Variants in ARL15 observed in about 807,000 individuals in gnomAD.
The protein encoded by ARL15 is ADP-ribosylation factor-like protein 15.
ARL15 carries 19 observed loss-of-function variants against 25.2 expected under a neutral mutation model. That is an observed-to-expected ratio of 0.75 (90% CI 0.53 to 1.10). ARL15 has a LOEUF of 1.10. ARL15 is among the 50% of genes least tolerant of loss of function. The probability of loss-of-function intolerance (pLI) is 0.00; values close to 1 mark genes in which losing one functional copy is unlikely to be tolerated. For synonymous variants in ARL15, 94 were observed against 86.8 expected, an observed-to-expected ratio of 1.08 and a Z score of -0.46; for missense variants, 220 against 246.0, an observed-to-expected ratio of 0.89 and a Z score of 0.71.
intron 1 of ARL15, among the ~76,000 whole-genome samples, chr5:54,298,635 T>C (rs1365076510): frequency 6.6e-6 from 1 of 152,032 alleles, no homozygotes; most frequent in Non-Finnish European, 1.5e-5. Context: ...CATTTCCTCA[T>C]TCCCCACTCC....
intron 4 of ARL15, among the ~76,000 whole-genome samples, chr5:53,962,779 A>T (rs1446604562): frequency 6.6e-6 from 1 of 152,204 alleles, no homozygotes; most frequent in Non-Finnish European, 1.5e-5. Flanking sequence ...ATTTTAAATT[A>T]TGAAGACAAT....
chr5:53,985,281 AT>A (rs199967267), intron 4 of ARL15, among the ~76,000 whole-genome samples: 2 of 152,284 alleles, frequency 1.3e-5, no homozygotes, highest in Non-Finnish European at 2.9e-5. Flanking sequence ...TTGGGCTCAG[AT>A]TTTTTTAAAA....
chr5:53,987,969 G>T (rs1473960087), intron 4 of ARL15, among the ~76,000 whole-genome samples: 5 of 152,036 alleles, frequency 3.3e-5, no homozygotes, highest in African/African-American at 1.2e-4. Context: ...CGGGCATGGT[G>T]GCGTGCGCCT....
intron 4 of ARL15, among the ~76,000 whole-genome samples, chr5:53,995,761 T>A (rs7718193): frequency 1.3e-5 from 2 of 151,984 alleles, no homozygotes; most frequent in Non-Finnish European, 2.9e-5. Context: ...TCCTGGCCCC[T>A]GCCCACAAAA....
At chr5:53,948,495 T>A (rs1746824108) in intron 4 of ARL15, among the ~76,000 whole-genome samples, 1 of 152,126 alleles carries the variant, frequency 6.6e-6, no homozygotes, top group East Asian at 1.9e-4. Flanking sequence ...AGAAATTTGA[T>A]CCTACACCCT....
chr5:53,993,267 C>A (rs1748566308), intron 4 of ARL15, among the ~76,000 whole-genome samples: 1 of 152,046 alleles, frequency 6.6e-6, no homozygotes, highest in Non-Finnish European at 1.5e-5. Context: ...TGAGCATAGC[C>A]TATTTATTTC....
intron 4 of ARL15, among the ~76,000 whole-genome samples, chr5:53,922,325 G>T (rs1313621591): frequency 6.6e-6 from 1 of 152,172 alleles, no homozygotes; most frequent in East Asian, 1.9e-4. Context: ...TCTGCCCTAG[G>T]ACCAGGAGAA....
chr5:54,194,314 G>A (rs950312737), intron 1 of ARL15, among the ~76,000 whole-genome samples: 42 of 151,908 alleles, frequency 2.8e-4, no homozygotes, highest in African/African-American at 9.9e-4. Flanking sequence ...AAGAACATAG[G>A]CAAGGATAAA....
At chr5:54,087,284 A>C (rs1274442833) in intron 4 of ARL15, among the ~76,000 whole-genome samples, 1 of 152,010 alleles carries the variant, frequency 6.6e-6, no homozygotes, top group Non-Finnish European at 1.5e-5. Flanking sequence ...ACTGAGATCA[A>C]GCCACTGCAC....
chr5:53,895,878 A>AT (rs1374513249), intron 4 of ARL15, among the ~76,000 whole-genome samples: 2 of 152,020 alleles, frequency 1.3e-5, no homozygotes, highest in Non-Finnish European at 2.9e-5. Flanking sequence ...GAATCTTAGA[A>AT]TTTTTTTCCA....
chr5:54,251,141 C>G (rs938796540), intron 1 of ARL15, among the ~76,000 whole-genome samples: 11 of 152,090 alleles, frequency 7.2e-5, no homozygotes, highest in African/African-American at 2.7e-4. Context: ...AAGCCCCTCC[C>G]CTAATTCAGG....
intron 4 of ARL15, among the ~76,000 whole-genome samples, chr5:54,105,995 A>G (rs949305017): frequency 3.3e-5 from 5 of 152,106 alleles, no homozygotes; most frequent in Non-Finnish European, 5.9e-5. Context: ...AGATAAATAT[A>G]AGCAATTATT....
intron 1 of ARL15, among the ~76,000 whole-genome samples, chr5:54,291,281 G>A (rs1054766015): frequency 6.6e-6 from 1 of 152,124 alleles, no homozygotes; most frequent in African/African-American, 2.4e-5. Context: ...GGTTTCCATG[G>A]GGGATTGGCT....
At chr5:54,082,566 C>A (rs1048351257) in intron 4 of ARL15, among the ~76,000 whole-genome samples, 13 of 152,120 alleles carry the variant, frequency 8.5e-5, no homozygotes, top group African/African-American at 3.1e-4. Context: ...TATGTTCTAT[C>A]TTCCAGAGAT....
At chr5:54,153,348 G>A (rs1018348422) in intron 3 of ARL15, among the ~76,000 whole-genome samples, 3 of 152,040 alleles carry the variant, frequency 2.0e-5, no homozygotes, top group Non-Finnish European at 1.5e-5. Flanking sequence ...ATTTCTAGAC[G>A]TTAATTTATC....
intron 4 of ARL15, among the ~76,000 whole-genome samples, chr5:53,965,290 T>A (rs964690049): frequency 5.9e-5 from 9 of 152,214 alleles, no homozygotes; most frequent in African/African-American, 1.7e-4. Flanking sequence ...CAAAATTTAT[T>A]CATGGTATTT....
intron 4 of ARL15, among the ~76,000 whole-genome samples, chr5:53,946,181 C>A (rs1478596543): frequency 1.3e-5 from 2 of 152,164 alleles, no homozygotes; most frequent in African/African-American, 4.8e-5. Flanking sequence ...AGGCTGCGCA[C>A]CATCGCTCAC....
chr5:54,153,348 G>T (rs1018348422), intron 3 of ARL15, among the ~76,000 whole-genome samples: 1 of 152,040 alleles, frequency 6.6e-6, no homozygotes, highest in Non-Finnish European at 1.5e-5. Context: ...ATTTCTAGAC[G>T]TTAATTTATC....
intron 3 of ARL15, among the ~76,000 whole-genome samples, chr5:54,118,343 G>C (rs1246031344): frequency 6.6e-6 from 1 of 152,122 alleles, no homozygotes; most frequent in Admixed American, 6.5e-5. Flanking sequence ...GCAGATATGA[G>C]CATCCGGCCC....
Sources: gnomAD v4.1 joint callset for allele counts (sites outside exome capture counted in the v4.1 genomes callset) on GRCh38, gnomAD v4.1.1 for gene constraint, MANE v1.5 for transcripts, NCBI Gene and HGNC (gene_info 2026-07-23, HGNC 2026-07-21) for gene names.